STAG3: variants seen among roughly 807,000 people sequenced by gnomAD.
STAG3 encodes the protein STAG3 cohesin complex component.
A neutral mutation model predicts 160.7 loss-of-function variants in STAG3; 101 were observed. That is an observed-to-expected ratio of 0.63 (90% confidence interval 0.54 to 0.74). The LOEUF is 0.74. Ranked by LOEUF, STAG3 falls within the 30% of genes least tolerant of loss-of-function variation. STAG3 has a pLI of 0.00. For synonymous variants in STAG3, 519 were observed against 585.0 expected, an observed-to-expected ratio of 0.89 and a Z score of 1.63; for missense variants, 1,188 against 1,517.4, an observed-to-expected ratio of 0.78 and a Z score of 3.61.
chr7:100,194,447 T>G (rs1300000919), intron 8 of STAG3, among the ~76,000 whole-genome samples: 1 of 152,188 alleles, frequency 6.6e-6, no homozygotes, highest in Non-Finnish European at 1.5e-5. Context: ...TTGTTAAGTT[T>G]GCCATCTTAT....
chr7:100,213,409 A>G (rs911729689), intron 32 of STAG3: 8 of 985,352 alleles, frequency 8.1e-6, no homozygotes, highest in Admixed American at 1.2e-4. Context: ...TTGTGCTCAG[A>G]AGGAGAAACC....
At chr7:100,183,240 C>A (rs560289510) in intron 4 of STAG3, among the ~76,000 whole-genome samples, 2 of 152,306 alleles carry the variant, frequency 1.3e-5, no homozygotes, top group African/African-American at 4.8e-5. Flanking sequence ...TCTCCAACTT[C>A]TGACCTCAGG....
At chr7:100,213,640 GTTC>G in intron 32 of STAG3, 92 bp from the exon 33 acceptor site, 1 of 1,592,768 alleles carries the variant, frequency 6.3e-7, no homozygotes, top group South Asian at 1.1e-5. Context: ...GCCCATATTT[GTTC>G]TTATGAGGCT....
intron 29 of STAG3, among the ~76,000 whole-genome samples, chr7:100,210,740 T>C (rs1323369250): frequency 6.6e-6 from 1 of 152,244 alleles, no homozygotes; most frequent in Admixed American, 6.5e-5. Context: ...TGTATATTTA[T>C]ATATCTTTCC....
chr7:100,199,430 T>C (rs540870980), intron 15 of STAG3, 63 bp downstream of exon 15: 11 of 1,563,630 alleles, frequency 7.0e-6, no homozygotes, highest in South Asian at 3.3e-5. Flanking sequence ...CTGGGAGGGA[T>C]TGCTTGCTTC....
chr7:100,184,463 GTTTTT>G (rs1554403741), intron 4 of STAG3, among the ~76,000 whole-genome samples: 1 of 98,552 alleles, frequency 1.0e-5, no homozygotes, highest in Non-Finnish European at 1.9e-5. Context: ...CAGCGTGTTA[GTTTTT>G]TTTTTTTTTT....
At position 100,178,007 on chromosome 7, in the gene STAG3, TG is replaced by T. The variant is rs1799379826; in HGVS notation, c.-65+6del. 6.6e-6 allele frequency: 1 copy of T among 152,228 alleles called. No homozygotes were observed. The highest frequency in any genetic ancestry group is 2.4e-5 in the African/African-American group (1 of 41,436). 9.4% of individuals were successfully genotyped at this position (152,228 alleles called of 1,614,324 possible). ...CCAGAGACACCCGAGGGACCTGAGG[TG>T]GGGACCTTCCCTGAACCCTGCTCGG... On this transcript the variant is annotated splice_donor_region_variant and intron_variant, in intron 1 of 33. Transcript: ENST00000615138.
Position 100,201,253 on chromosome 7 carries a change from C to T in STAG3, c.2133-11C>T, listed in dbSNP as rs766255733. 7.4e-6 allele frequency: 12 copies of T among 1,614,130 alleles called. No homozygotes were observed. In the South Asian group the frequency reaches 1.2e-4, roughly 16 times the overall value. ...CTTTTCCAGTATAACATTCCCCTTT[C>T]TCCCCCAAAGCACTCATGACCTGAC... On this transcript the variant is annotated splice_polypyrimidine_tract_variant and intron_variant, in intron 20 of 33. Transcript: ENST00000615138.
At chr7:100,184,463 G>GTTTT (rs1554403741) in intron 4 of STAG3, among the ~76,000 whole-genome samples, 111 of 98,548 alleles carry the variant, frequency 1.1e-3, no homozygotes, top group Non-Finnish European at 1.3e-3. Context: ...CAGCGTGTTA[G>GTTTT]TTTTTTTTTT....
intron 16 of STAG3, 57 bp from the exon 17 acceptor site, chr7:100,200,179 C>G: frequency 7.5e-7 from 1 of 1,335,598 alleles, no homozygotes. Context: ...ACTGCACACA[C>G]CCCCTGCACC....
intron 5 of STAG3, among the ~76,000 whole-genome samples, chr7:100,187,265 C>G (rs1324637975): frequency 1.3e-5 from 2 of 151,962 alleles, no homozygotes; most frequent in African/African-American, 4.8e-5. Flanking sequence ...TCAGGCGATC[C>G]CCCTGCCTCG....
chr7:100,207,734 T>C lies in STAG3; in HGVS notation c.3238+2350T>C, dbSNP rs914571307. ...TTTGGTGAAATCTAACTTTTTCCTT[T>C]TGTTGCTTGTGCTTTTGGTGCCATA... On this transcript the variant is annotated intron_variant, in intron 29 of 33. Coordinates refer to ENST00000615138, the MANE Select transcript of STAG3 (RefSeq NM_001282717.2). The surrounding 1 kb of genome is among the most constrained non-coding windows in gnomAD (Gnocchi z 4.0). Among the ~76,000 whole-genome samples, 3 of 152,234 alleles carry C rather than the reference T, an allele frequency of 2.0e-5. No individual in the cohort carries two copies. The highest frequency in any genetic ancestry group is 2.9e-5 in the Non-Finnish European group (2 of 68,040).
chr7:100,199,129 A>G lies in STAG3; in HGVS notation c.1468-133A>G, dbSNP rs1346886452. On this transcript the variant is annotated intron_variant, in intron 14 of 33. Transcript: ENST00000615138. The stretch of plus-strand genomic sequence containing the variant: ...ACACAGTGAGACCCTGTCTCTATCG[A>G]AAAAAAAAAAAAGACAAATGGAGAA... 1.4e-4 allele frequency: 45 copies of G among 326,758 alleles called. No homozygotes were observed. The East Asian group carries it at 2.7e-3, about 20-fold the overall frequency. 20.2% of individuals were successfully genotyped at this position (326,758 alleles called of 1,614,324 possible).
At chr7:100,191,661 C>T (rs13311090) in intron 8 of STAG3, among the ~76,000 whole-genome samples, 2 of 152,166 alleles carry the variant, frequency 1.3e-5, no homozygotes, top group Non-Finnish European at 2.9e-5. Context: ...AGGGTCTTGC[C>T]TCCATGTTGA....
chr7:100,191,649 G>T (rs1172400696), intron 8 of STAG3, among the ~76,000 whole-genome samples: 2 of 152,200 alleles, frequency 1.3e-5, no homozygotes, highest in African/African-American at 4.8e-5. Flanking sequence ...TTTTGTTGGT[G>T]GAGGGTCTTG....
chr7:100,200,741 C>T (rs201265779), intron 18 of STAG3, 28 bp from the exon 19 acceptor site: 56 of 1,611,224 alleles, frequency 3.5e-5, no homozygotes, highest in South Asian at 1.1e-4. Context: ...ATCCCCACAG[C>T]ACACCATCTT....
chr7:100,201,579 A>G, intron 21 of STAG3: 1 of 634,380 alleles, frequency 1.6e-6, no homozygotes, highest in East Asian at 2.7e-5. Context: ...GGGATTCTAG[A>G]AGACGTAGAG....
At chr7:100,216,661 T>C (rs1802776214), downstream of STAG3, among the ~76,000 whole-genome samples, 1 of 151,246 alleles carries the variant, frequency 6.6e-6, no homozygotes, top group African/African-American at 2.4e-5. Flanking sequence ...ATTAGCTGGG[T>C]GTGGTGGCAT....
chr7:100,204,958 G>A (rs766529724), intron 27 of STAG3, 47 bp from the exon 28 acceptor site: 21 of 1,599,058 alleles, frequency 1.3e-5, no homozygotes, highest in Non-Finnish European at 1.6e-5. Flanking sequence ...GGCCTGGGAG[G>A]GAAGTGGGAA....
Sources: gnomAD v4.1 joint callset for allele counts (sites outside exome capture counted in the v4.1 genomes callset) on GRCh38, gnomAD v4.1.1 for gene constraint, Gnocchi (gnomAD v3.1) non-coding constraint, MANE v1.5 for transcripts, NCBI Gene and HGNC (gene_info 2026-07-23, HGNC 2026-07-21) for gene names.